PDE4D: variants seen among roughly 807,000 people sequenced by gnomAD.
The protein encoded by PDE4D is phosphodiesterase 4D.
In PDE4D, 24 loss-of-function variants were observed where a neutral mutation model predicts 87.4. That is an observed-to-expected ratio of 0.27 (90% CI 0.20 to 0.39). The LOEUF (loss-of-function observed/expected upper bound fraction) is 0.39, where lower values mean the gene tolerates loss of function less well. PDE4D is among the 10% of genes least tolerant of loss of function. PDE4D has a pLI of 1.00. For synonymous variants in PDE4D, 384 were observed against 383.2 expected, an observed-to-expected ratio of 1.00 and a Z score of -0.02; for missense variants, 714 against 1,041.0, an observed-to-expected ratio of 0.69 and a Z score of 4.32.
intron 1 of PDE4D, among the ~76,000 whole-genome samples, chr5:60,504,815 C>G (rs1342753548): frequency 6.6e-6 from 1 of 151,972 alleles, no homozygotes; most frequent in African/African-American, 2.4e-5. Flanking sequence ...ATTCCCAATC[C>G]CAGAAGAGTT....
At chr5:60,428,570 G>C (rs999237987) in intron 1 of PDE4D, among the ~76,000 whole-genome samples, 18 of 152,026 alleles carry the variant, frequency 1.2e-4, no homozygotes, top group African/African-American at 4.1e-4. Flanking sequence ...GCAACAAAAT[G>C]GCATATGAAA....
At chr5:59,256,833 A>G (rs1174166481) in intron 1 of PDE4D, among the ~76,000 whole-genome samples, 14 of 152,118 alleles carry the variant, frequency 9.2e-5, no homozygotes, top group Non-Finnish European at 1.0e-4. Context: ...CTACGTAAAT[A>G]TACTAAAAAT....
At chr5:59,849,987 A>G (rs1744432812) in intron 1 of PDE4D, among the ~76,000 whole-genome samples, 1 of 152,010 alleles carries the variant, frequency 6.6e-6, no homozygotes, top group African/African-American at 2.4e-5. Flanking sequence ...ATGAGACTGG[A>G]AAGAAGTTTG....
chr5:59,693,632 G>C (rs1751314973), intron 1 of PDE4D, among the ~76,000 whole-genome samples: 1 of 152,124 alleles, frequency 6.6e-6, no homozygotes, highest in Non-Finnish European at 1.5e-5. Flanking sequence ...AATGTATGTG[G>C]TTCCATTTTG....
intron 1 of PDE4D, among the ~76,000 whole-genome samples, chr5:59,823,844 A>G (rs1208056487): frequency 6.8e-6 from 1 of 146,770 alleles, no homozygotes; most frequent in Non-Finnish European, 1.5e-5. Flanking sequence ...CTATTTTTCT[A>G]TCTAGAATGC....
chr5:60,289,524 A>G lies in PDE4D; in HGVS notation c.-89-103837T>C, dbSNP rs184021665. ...AAAGAGTCTGTTTTGAAGGTTATCA[A>G]CTCTTTCCCCACCCCTGTAGAGGAG... On this transcript the variant is annotated intron_variant, in intron 1 of 16. Coordinates refer to the PDE4D transcript ENST00000502484. Among the ~76,000 whole-genome samples the G allele has an allele frequency of 2.8e-3, 425 of 152,198 alleles. 5 individuals are homozygous for G. Among genetic ancestry groups the G allele is most frequent in the African/African-American group, 9.9e-3 (411 of 41,536 alleles).
chr5:60,416,229 A>G (rs1217543350), intron 1 of PDE4D, among the ~76,000 whole-genome samples: 1 of 152,034 alleles, frequency 6.6e-6, no homozygotes. Flanking sequence ...AAACAGACCA[A>G]TCAGCTCTCT....
intron 2 of PDE4D, among the ~76,000 whole-genome samples, chr5:60,181,951 C>T (rs1174978867): frequency 6.6e-6 from 1 of 152,064 alleles, no homozygotes; most frequent in Non-Finnish European, 1.5e-5. Flanking sequence ...CTTGTCTGTA[C>T]CTTTCCTTCC....
At chr5:59,034,879 A>C (rs972197465) in intron 6 of PDE4D, among the ~76,000 whole-genome samples, 3 of 152,252 alleles carry the variant, frequency 2.0e-5, no homozygotes, top group African/African-American at 7.2e-5. Context: ...AAATTAGAGC[A>C]GAAACAAAAT....
intron 1 of PDE4D, among the ~76,000 whole-genome samples, chr5:59,451,971 A>G (rs896386478): frequency 1.3e-5 from 2 of 152,200 alleles, no homozygotes; most frequent in Admixed American, 6.5e-5. Context: ...CATGATCTAG[A>G]AAAACCTTGT....
chr5:60,481,361 G>GT (rs926776127), intron 1 of PDE4D, among the ~76,000 whole-genome samples: 21 of 151,238 alleles, frequency 1.4e-4, no homozygotes, highest in African/African-American at 4.1e-4. Flanking sequence ...AGGTAACTGT[G>GT]TTTTTTTTTA....
intron 1 of PDE4D, among the ~76,000 whole-genome samples, chr5:60,449,395 A>G (rs1745909433): frequency 6.6e-6 from 1 of 151,288 alleles, no homozygotes; most frequent in Admixed American, 6.6e-5. Flanking sequence ...TCGCAAGAAC[A>G]AAAAACCAAA....
At position 59,153,913 on chromosome 5, in the gene PDE4D, G is replaced by C. The variant is rs149082563; in HGVS notation, c.808+26682C>G. 1.5e-3 allele frequency among the ~76,000 whole-genome samples: 234 copies of C among 152,280 alleles called. 2 individuals carry two copies. Among genetic ancestry groups the C allele is most frequent in the African/African-American group, 5.4e-3 (223 of 41,560 alleles). On this transcript the variant is annotated intron_variant, in intron 5 of 14. Transcript: ENST00000340635. ...GAATTTTAGGTGTCCTCTAAAATGA[G>C]ATAAAGTGAACCAGGCAATTATGAG...
intron 2 of PDE4D, among the ~76,000 whole-genome samples, chr5:59,215,142 G>A (rs1750949335): frequency 6.6e-6 from 1 of 152,134 alleles, no homozygotes; most frequent in East Asian, 1.9e-4. Context: ...GCTAGTGATG[G>A]TACAGGATCT....
intron 1 of PDE4D, among the ~76,000 whole-genome samples, chr5:59,852,170 C>T (rs901348631): frequency 6.6e-6 from 1 of 151,926 alleles, no homozygotes; most frequent in African/African-American, 2.4e-5. Context: ...TCACTGAGGG[C>T]CAGAAAGCAG....
At chr5:59,430,340 G>GTGAT in intron 1 of PDE4D, 4 of 1,231,278 alleles carry the variant, frequency 3.2e-6, no homozygotes, top group Non-Finnish European at 4.1e-6. Flanking sequence ...ATCGCGTATG[G>GTGAT]TGATCCATGA....
At chr5:59,233,811 T>C (rs1026451651) in intron 1 of PDE4D, among the ~76,000 whole-genome samples, 1 of 152,078 alleles carries the variant, frequency 6.6e-6, no homozygotes. Context: ...GAGATACCTA[T>C]CCATTCCACA....
chr5:59,747,168 G>A (rs370257685), intron 1 of PDE4D, among the ~76,000 whole-genome samples: 4 of 152,018 alleles, frequency 2.6e-5, no homozygotes, highest in Non-Finnish European at 4.4e-5. Flanking sequence ...ACTGTTAAGC[G>A]TCTCTCCCTA....
At chr5:59,986,311 C>T (rs1022540853) in intron 3 of PDE4D, 1 of 152,406 alleles carries the variant, frequency 6.6e-6, no homozygotes, top group African/African-American at 2.4e-5. Context: ...GCCTCGGCCT[C>T]CCAAAGTGCT....
Sources: gnomAD v4.1 joint callset for allele counts (sites outside exome capture counted in the v4.1 genomes callset) on GRCh38, gnomAD v4.1.1 for gene constraint, MANE v1.5 for transcripts, NCBI Gene and HGNC (gene_info 2026-07-23, HGNC 2026-07-21) for gene names.